Variants in DCP1B observed in about 807,000 individuals in gnomAD.
DCP1B encodes mRNA-decapping enzyme 1B.
In DCP1B, 47 loss-of-function variants were observed where a neutral mutation model predicts 60.5. The observed-to-expected ratio is 0.78, with a 90% CI of 0.61 to 0.99. The LOEUF is 0.99. Among genes scored for constraint, DCP1B ranks in the 50% least tolerant of loss-of-function variants. DCP1B has a pLI of 0.00. For missense variants in DCP1B, 725 were observed against 756.8 expected, an observed-to-expected ratio of 0.96 and a Z score of 0.49; for synonymous variants, 267 against 280.3, an observed-to-expected ratio of 0.95 and a Z score of 0.47.
At chr12:1,996,059 A>T (rs117559298) in intron 2 of DCP1B, among the ~76,000 whole-genome samples, 4,162 of 152,240 alleles carry the variant, frequency 0.027, 92 homozygotes, top group Middle Eastern at 0.054. Context: ...TCATTTTTAA[A>T]ATTTCACCAT....
At chr12:1,947,941 G>A (rs2030498770) in intron 8 of DCP1B, among the ~76,000 whole-genome samples, 1 of 152,170 alleles carries the variant, frequency 6.6e-6, no homozygotes, top group South Asian at 2.1e-4. Context: ...GGGATTACAG[G>A]CGTGAGCAGC....
In DCP1B at chr12:1,962,978, A is replaced by T. The variant is rs1025894970; in HGVS notation, c.522+2580T>A. ...ATTTTTCTGATTGCTTCCTCATAGC[A>T]TCATTTAATTTGTTTTTCTACCTTG... On this transcript the variant is annotated intron_variant, in intron 5 of 8. Coordinates refer to ENST00000280665, the MANE Select transcript of DCP1B (RefSeq NM_152640.5). This position sits in a 1 kb window ranked among gnomAD's most constrained non-coding sequence, Gnocchi z 4.4. Among the ~76,000 whole-genome samples the T allele has an allele frequency of 7.9e-5, 12 of 152,326 alleles. No homozygotes were observed. The highest frequency in any genetic ancestry group is 5.9e-4 in the Admixed American group (9 of 15,306).
chr12:1,985,033 A>AT (rs2037292884), intron 3 of DCP1B, among the ~76,000 whole-genome samples: 1 of 151,470 alleles, frequency 6.6e-6, no homozygotes, highest in Non-Finnish European at 1.5e-5. Flanking sequence ...TGCTTTCAAG[A>AT]TTAAAAAAAA....
chr12:1,944,262 C>T (rs1187792064), downstream of DCP1B, among the ~76,000 whole-genome samples: 1 of 152,054 alleles, frequency 6.6e-6, no homozygotes, highest in African/African-American at 2.4e-5. Context: ...ACCTACAAAC[C>T]ACAACTCAAG....
intron 7 of DCP1B, among the ~76,000 whole-genome samples, chr12:1,949,636 C>A (rs1219979021): frequency 6.6e-6 from 1 of 152,210 alleles, no homozygotes; most frequent in East Asian, 1.9e-4. Flanking sequence ...GACTACTGAC[C>A]TTTTCCTTAG....
chr12:1,998,279 A>T (rs2041410428), intron 1 of DCP1B, among the ~76,000 whole-genome samples: 1 of 152,220 alleles, frequency 6.6e-6, no homozygotes, highest in Non-Finnish European at 1.5e-5. Flanking sequence ...TAAGTGTGCT[A>T]TGCGGATTTA....
At chr12:1,950,126 ACTC>A (rs1435585272) in intron 7 of DCP1B, 9 of 545,484 alleles carry the variant, frequency 1.6e-5, no homozygotes, top group East Asian at 1.4e-4. Flanking sequence ...CCCCGAAAGA[ACTC>A]CTAAGAGGGA....
At chr12:1,981,812 AAT>A (rs999816613) in intron 3 of DCP1B, among the ~76,000 whole-genome samples, 1 of 152,222 alleles carries the variant, frequency 6.6e-6, no homozygotes, top group African/African-American at 2.4e-5. Flanking sequence ...TGGGTTTTGA[AAT>A]ATGAGTAGAA....
chr12:1,995,148 A>G (rs1360165684), intron 2 of DCP1B, among the ~76,000 whole-genome samples: 1 of 152,212 alleles, frequency 6.6e-6, no homozygotes, highest in African/African-American at 2.4e-5. Flanking sequence ...ATCCTTGAAA[A>G]TACAAACTTA....
chr12:1,970,941 T>C, intron 3 of DCP1B: 1 of 437,760 alleles, frequency 2.3e-6, no homozygotes, highest in Non-Finnish European at 3.8e-6. Flanking sequence ...TGTCAACTTT[T>C]GTGGCACTGA....
chr12:1,991,180 G>T (rs973467851), intron 3 of DCP1B: 1 of 456,174 alleles, frequency 2.2e-6, no homozygotes, highest in Non-Finnish European at 4.4e-6. Context: ...AAAAGCAACG[G>T]AAGTGAAATC....
Position 1,971,254 on chromosome 12 carries a change from T to C in DCP1B, c.320-3344A>G. 6 of 993,410 alleles carry C rather than the reference T, an allele frequency of 6.0e-6. No homozygotes were observed. In the South Asian group the frequency reaches 6.8e-5, roughly 11 times the overall value. 61.5% of individuals were successfully genotyped at this position (993,410 alleles called of 1,614,324 possible). A position where few individuals can be genotyped will look rare whatever the true frequency, so the allele number is the denominator to read the frequency against. On this transcript the variant is annotated intron_variant, in intron 3 of 8. Transcript: ENST00000280665. The surrounding 1 kb of genome is among the most constrained non-coding windows in gnomAD (Gnocchi z 4.2). ...GTAGGAAGAACATGTTGAAATTTACTCTAAATATCCTAATGATACCTAGAA... is the reference window on the plus strand; with the variant it reads ...GTAGGAAGAACATGTTGAAATTTACCCTAAATATCCTAATGATACCTAGAA...
intron 3 of DCP1B, among the ~76,000 whole-genome samples, chr12:1,972,792 A>G (rs1367878665): frequency 6.6e-6 from 1 of 152,130 alleles, no homozygotes; most frequent in African/African-American, 2.4e-5. Context: ...AAGGAAAAAA[A>G]GAAGGATGGA....
Position 1,946,142 on chromosome 12 carries a change from A to G in DCP1B, c.*64T>C. On this transcript the variant is annotated 3_prime_UTR_variant, in exon 9 of 9. Transcript: ENST00000280665. ...AACATTGAAGGAAACAACACTCAACATGAAAGAACCTTGTGCCGGAGTTCT... is the reference window on the plus strand; with the variant it reads ...AACATTGAAGGAAACAACACTCAACGTGAAAGAACCTTGTGCCGGAGTTCT... 1.6e-6 allele frequency: 2 copies of G among 1,286,548 alleles called. No individual in the cohort carries two copies. Among genetic ancestry groups the G allele is most frequent in the Non-Finnish European group, 1.1e-6 (1 of 938,886 alleles). 79.7% of individuals were successfully genotyped at this position (1,286,548 alleles called of 1,614,324 possible).
chr12:1,997,900 A>G (rs764922155), intron 2 of DCP1B, 35 bp downstream of exon 2: 6 of 1,535,234 alleles, frequency 3.9e-6, no homozygotes, highest in Non-Finnish European at 4.5e-6. Context: ...ATTATTTTGA[A>G]GATTAGTTTC....
intron 4 of DCP1B, among the ~76,000 whole-genome samples, chr12:1,966,818 C>T (rs2470427): frequency 0.5 from 75,826 of 152,140 alleles, 19,090 homozygotes; most frequent in East Asian, 0.73. Context: ...TTAGCTACCT[C>T]TAGCTAGACT....
At position 1,984,390 on chromosome 12, in the gene DCP1B, T is replaced by C. The variant is rs572389879; in HGVS notation, c.319+8874A>G. Among the ~76,000 whole-genome samples the C allele has an allele frequency of 2.0e-5, 3 of 152,214 alleles. No individual in the cohort carries two copies. In the East Asian group the frequency reaches 5.8e-4, roughly 29 times the overall value. ...CTCTTGGTGATATCTCTATATTTCT[T>C]TTTAGTGGTTGCTCTAAGAAATACA... On this transcript the variant is annotated intron_variant, in intron 3 of 8. Coordinates refer to ENST00000280665, the MANE Select transcript of DCP1B (RefSeq NM_152640.5).
chr12:1,946,089 C>A lies in DCP1B; in HGVS notation c.*117G>T. ...GTCTGAAACATTTTACTTCATATTACACATACTTTTTTTTTAAAAAAGGCA... is the reference window on the plus strand; with the variant it reads ...GTCTGAAACATTTTACTTCATATTAAACATACTTTTTTTTTAAAAAAGGCA... On this transcript the variant is annotated 3_prime_UTR_variant, in exon 9 of 9. Coordinates refer to ENST00000280665, the MANE Select transcript of DCP1B (RefSeq NM_152640.5). 1.3e-6 allele frequency: 1 copy of A among 744,320 alleles called. No individual in the cohort carries two copies. Among genetic ancestry groups the A allele is most frequent in the Non-Finnish European group, 2.1e-6 (1 of 481,378 alleles). 46.1% of individuals were successfully genotyped at this position (744,320 alleles called of 1,614,324 possible).
At chr12:1,976,158 C>A (rs2034289643) in intron 3 of DCP1B, among the ~76,000 whole-genome samples, 1 of 152,042 alleles carries the variant, frequency 6.6e-6, no homozygotes, top group Non-Finnish European at 1.5e-5. Context: ...TGACAGAGAA[C>A]AAAAAAGTCA....
Sources: allele counts gnomAD v4.1 joint callset (sites outside exome capture counted in the v4.1 genomes callset), GRCh38; gene constraint gnomAD v4.1.1; non-coding constraint Gnocchi (gnomAD v3.1); transcripts MANE v1.5; gene names NCBI Gene and HGNC (gene_info 2026-07-23, HGNC 2026-07-21).